The following POLR1E variants were observed in gnomAD, a reference collection of about 807,000 sequenced individuals.
POLR1E encodes DNA-directed RNA polymerase I subunit RPA49.
POLR1E carries 37 observed loss-of-function variants against 50.9 expected under a neutral mutation model. The observed-to-expected ratio is 0.73, with a 90% CI of 0.56 to 0.96. The LOEUF is 0.96. POLR1E is among the 40% of genes least tolerant of loss of function. The pLI is 0.00. For missense variants in POLR1E, 426 were observed against 518.1 expected (o/e 0.82, Z 1.73); for synonymous variants, 166 against 191.6 (o/e 0.87, Z 1.10).
In POLR1E at chr9:37,486,752, C is replaced by T. The variant is rs1820585576; in HGVS notation, c.126C>T (p.Thr42=). The T allele has an allele frequency of 1.2e-6, 2 of 1,614,074 alleles. No individual in the cohort carries two copies. The highest frequency in any genetic ancestry group is 1.3e-5 in the African/African-American group (1 of 74,932). ...KLQSPGNMRF[T]LYENKDSTNP... is the part of the protein sequence containing the mutation. ...AGAGTCCAGGCAACATGCGCTTTAC[C>T]TTGTATGAGAACAAAGATTCCACCA... Residue 42 remains threonine (T), a synonymous_variant, in exon 2 of 12, where the codon ACC becomes ACT. Coordinates refer to ENST00000377798, the MANE Select transcript of POLR1E (RefSeq NM_022490.4).
Position 37,503,039 on chromosome 9 carries a change from T to C in POLR1E, c.1101-4T>C. 6.2e-7 allele frequency: 1 copy of C among 1,609,418 alleles called. No individual in the cohort carries two copies. Among genetic ancestry groups the C allele is most frequent in the Non-Finnish European group, 8.5e-7 (1 of 1,177,850 alleles). ...TCCAGTTCTTCTGTTTATGTCTTCC[T>C]TAGGATGATGGAGATAGCCAAAGCC... On this transcript the variant is annotated splice_region_variant and splice_polypyrimidine_tract_variant and intron_variant, in intron 11 of 11. Transcript: ENST00000377798.
chr9:37,497,468 CAG>C (rs1393822387), intron 8 of POLR1E, among the ~76,000 whole-genome samples: 1 of 152,248 alleles, frequency 6.6e-6, no homozygotes, highest in Admixed American at 6.5e-5. Context: ...ACTATAAAAA[CAG>C]AGGTCAGAGG....
chr9:37,501,691 T>A (rs1386436370), intron 10 of POLR1E, 22 bp from the exon 11 acceptor site: 1 of 1,605,608 alleles, frequency 6.2e-7, no homozygotes, highest in East Asian at 2.2e-5. Context: ...TTGTTTCTCC[T>A]TTATTGCCAC....
chr9:37,486,330 C>T (rs1820573802), intron 1 of POLR1E: 1 of 1,359,410 alleles, frequency 7.4e-7, no homozygotes, highest in Non-Finnish European at 9.8e-7. Context: ...CCCACTCACC[C>T]GCTCCCCAGA....
chr9:37,503,018 GTTC>G, intron 11 of POLR1E, 22 bp from the exon 12 acceptor site: 3 of 1,597,608 alleles, frequency 1.9e-6, no homozygotes, highest in African/African-American at 1.3e-5. Context: ...GGTCTCTCCA[GTTC>G]TTCTGTTTAT....
In POLR1E at chr9:37,498,234, T is replaced by C. The variant is rs377371242; in HGVS notation, c.886+10T>C. 8 of 1,606,936 alleles carry C rather than the reference T, an allele frequency of 5.0e-6. No homozygotes were observed. The highest frequency in any genetic ancestry group is 3.4e-5 in the Admixed American group (2 of 58,898). ...GTAGTTAAGCGGAAAAGTAAGTCTA[T>C]GATAAACATTTTATTCTAATTGTTT... On this transcript the variant is annotated intron_variant, in intron 9 of 11. Coordinates refer to ENST00000377798, the MANE Select transcript of POLR1E (RefSeq NM_022490.4).
At chr9:37,486,539 G>T in intron 1 of POLR1E, 164 bp from the exon 2 acceptor site, 6 of 1,574,014 alleles carry the variant, frequency 3.8e-6, no homozygotes, top group Non-Finnish European at 5.2e-6. Flanking sequence ...CCTCTTCTCA[G>T]CTGGCCCCGG....
intron 4 of POLR1E, 81 bp from the exon 5 acceptor site, chr9:37,492,576 C>A: frequency 7.7e-7 from 1 of 1,296,440 alleles, no homozygotes; most frequent in South Asian, 1.2e-5. Flanking sequence ...CTTAGATAGA[C>A]AAATGAATAT....
In POLR1E at chr9:37,503,174, G is replaced by T. The variant is rs149113581; in HGVS notation, c.1232G>T (p.Arg411Leu). 38 of 1,610,114 alleles carry T rather than the reference G, an allele frequency of 2.4e-5. No homozygotes were observed. The highest frequency in any genetic ancestry group is 2.8e-5 in the Non-Finnish European group (33 of 1,178,916). Residue 411 changes from arginine (R) to leucine (L), a missense_variant, in exon 12 of 12, where the codon CGC becomes CTC. Arg to Leu is a moderately radical substitution (Grantham distance 102). Transcript: ENST00000377798. ...CTGCCTCCAGCCCAGACCTCAGACC[G>T]CCTGGCAAAGCGGAGGAAGATTACC... ...LPLPPAQTSD[R>L]LAKRRKIT
rs766715332 is a variant in POLR1E at position 37,498,238 on chromosome 9, A to T, written c.886+14A>T. 1 of 1,605,174 alleles carries T rather than the reference A, an allele frequency of 6.2e-7. No individual in the cohort carries two copies. The highest frequency in any genetic ancestry group is 8.5e-7 in the Non-Finnish European group (1 of 1,174,470). On this transcript the variant is annotated intron_variant, in intron 9 of 11. Transcript: ENST00000377798. Reference sequence around the variant, plus strand: ...TTAAGCGGAAAAGTAAGTCTATGATAAACATTTTATTCTAATTGTTTCCAG... The same window carrying T: ...TTAAGCGGAAAAGTAAGTCTATGATTAACATTTTATTCTAATTGTTTCCAG...
chr9:37,486,353 A>G (rs1461982806), intron 1 of POLR1E: 1 of 1,435,520 alleles, frequency 7.0e-7, no homozygotes. Flanking sequence ...TGTGTCCAGG[A>G]CCCTGCTGAC....
chr9:37,486,553 T>G, intron 1 of POLR1E, 150 bp from the exon 2 acceptor site: 3 of 1,591,608 alleles, frequency 1.9e-6, no homozygotes, highest in Non-Finnish European at 8.6e-7. Context: ...GCCCCGGATC[T>G]CCTCCAGTTC....
intron 4 of POLR1E, among the ~76,000 whole-genome samples, chr9:37,489,682 T>C (rs1247157311): frequency 6.6e-6 from 1 of 152,154 alleles, no homozygotes. Context: ...CAAGTGATTC[T>C]CCTACCTCAG....
At chr9:37,500,726 A>G in intron 9 of POLR1E, 114 bp from the exon 10 acceptor site, 1 of 735,944 alleles carries the variant, frequency 1.4e-6, no homozygotes, top group Non-Finnish European at 2.3e-6. Flanking sequence ...TTCTCTTACC[A>G]CCTGGTTCTG....
In POLR1E at chr9:37,490,234, C is replaced by T. The variant is rs114541096; in HGVS notation, c.343+834C>T. Among the ~76,000 whole-genome samples the T allele has an allele frequency of 5.9e-3, 895 of 152,202 alleles. 6 individuals are homozygous for T. The highest frequency in any genetic ancestry group is 0.02 in the African/African-American group (816 of 41,508). ...CTAAACAATCGAGGAGTTTGTTGCA[C>T]AATAAGCTACCTCACGTCTTTCAGC... On this transcript the variant is annotated intron_variant, in intron 4 of 11. Coordinates refer to ENST00000377798, the MANE Select transcript of POLR1E (RefSeq NM_022490.4).
At chr9:37,486,146 A>G (rs770572709) in intron 1 of POLR1E, 23 bp downstream of exon 1, 19 of 1,576,540 alleles carry the variant, frequency 1.2e-5, no homozygotes, top group Non-Finnish European at 1.5e-5. Flanking sequence ...GAGCTGGAGC[A>G]GTGCTCCTCT....
intron 10 of POLR1E, 111 bp downstream of exon 10, chr9:37,501,032 A>C: frequency 1.9e-6 from 2 of 1,044,022 alleles, no homozygotes; most frequent in Non-Finnish European, 2.8e-6. Flanking sequence ...TGCAGTGCTG[A>C]AAAGACTGCT....
rs924618132 is a variant in POLR1E at position 37,495,197 on chromosome 9, C to T, written c.576C>T (p.Asp192=). The T allele has an allele frequency of 3.7e-6, 6 of 1,614,036 alleles. No homozygotes were observed. In the African/African-American group the frequency reaches 8.0e-5, roughly 22 times the overall value. Residue 192 remains aspartate, a synonymous_variant, in exon 7 of 12, where the codon GAC becomes GAT. Coordinates refer to ENST00000377798, the MANE Select transcript of POLR1E (RefSeq NM_022490.4). ...TALVSDAIHN[D]LQDDSLYLPP... ...TGGTCAGCGATGCTATCCACAATGA[C>T]TTGCAAGATGACTCCCTCTACCTTC...
chr9:37,486,545 C>T, intron 1 of POLR1E, 158 bp from the exon 2 acceptor site: 1 of 1,581,402 alleles, frequency 6.3e-7, no homozygotes, highest in Non-Finnish European at 8.6e-7. Flanking sequence ...CTCAGCTGGC[C>T]CCGGATCTCC....
Sources: gnomAD v4.1 joint callset for allele counts (sites outside exome capture counted in the v4.1 genomes callset) on GRCh38, gnomAD v4.1.1 for gene constraint, MANE v1.5 for transcripts, NCBI Gene and HGNC (gene_info 2026-07-23, HGNC 2026-07-21) for gene names.